Variants in CACNA1C observed in about 807,000 individuals in gnomAD.
CACNA1C encodes voltage-dependent L-type calcium channel subunit alpha-1C.
CACNA1C carries 30 observed loss-of-function variants against 229.0 expected under a neutral mutation model. The observed-to-expected ratio is 0.13, with a 90% CI of 0.10 to 0.18. The LOEUF is 0.18. CACNA1C is among the 10% of genes least tolerant of loss of function. The pLI, the probability that CACNA1C is intolerant of heterozygous loss-of-function variation, is 1.00. For missense variants in CACNA1C, 1,658 were observed against 2,845.0 expected (o/e 0.58, Z 9.49); for synonymous variants, 1,114 against 1,132.5 (o/e 0.98, Z 0.33).
intron 3 of CACNA1C, among the ~76,000 whole-genome samples, chr12:2,224,504 T>C (rs1041453664): frequency 3.5e-4 from 53 of 152,342 alleles, no homozygotes; most frequent in African/African-American, 4.3e-4. Context: ...GCCCCTGTTC[T>C]GCTCCACCCC....
intron 3 of CACNA1C, among the ~76,000 whole-genome samples, chr12:2,302,431 C>T (rs914513664): frequency 6.6e-6 from 1 of 151,984 alleles, no homozygotes; most frequent in Admixed American, 6.5e-5. Flanking sequence ...GCAGCCGTAG[C>T]GTCAGTCCCT....
intron 5 of CACNA1C, among the ~76,000 whole-genome samples, chr12:2,462,965 T>C (rs1421217697): frequency 7.0e-6 from 1 of 142,758 alleles, no homozygotes; most frequent in East Asian, 2.0e-4. Context: ...CAGGCTGGAG[T>C]GCAGTGGTGT....
intron 3 of CACNA1C, chr12:2,221,842 T>C (rs1198746542): frequency 6.6e-6 from 1 of 152,224 alleles, no homozygotes; most frequent in Non-Finnish European, 1.5e-5. Context: ...GTCCATATGA[T>C]GGAACACCAT....
chr12:2,416,247 G>A (rs531125912), intron 3 of CACNA1C, among the ~76,000 whole-genome samples: 23 of 152,132 alleles, frequency 1.5e-4, no homozygotes, highest in South Asian at 8.3e-4. Flanking sequence ...TTTATGGCTC[G>A]CTTTCTCTTT....
In CACNA1C at chr12:2,634,617, G is replaced by C. The variant is rs1045123679; in HGVS notation, c.3912+237G>C. Among the ~76,000 whole-genome samples the C allele has an allele frequency of 2.1e-5, 3 of 144,426 alleles. No homozygotes were observed. The Admixed American group carries it at 2.1e-4, about 10-fold the overall frequency. The allele number at this position is 144,426 out of a possible 152,430, so 94.7% of individuals were successfully genotyped here. A position where few individuals can be genotyped will look rare whatever the true frequency, so the allele number is the denominator to read the frequency against. On this transcript the variant is annotated intron_variant, in intron 30 of 46. Transcript: ENST00000399655. ...TCCCCTTTTCTGTTAAGTTCTGATTGCTGCATCTTTTCTCTCTCCCATACA... is the reference window on the plus strand; with the variant it reads ...TCCCCTTTTCTGTTAAGTTCTGATTCCTGCATCTTTTCTCTCTCCCATACA...
intron 3 of CACNA1C, among the ~76,000 whole-genome samples, chr12:2,412,356 C>T (rs2098817476): frequency 6.6e-6 from 1 of 152,228 alleles, no homozygotes; most frequent in Admixed American, 6.5e-5. Context: ...GCTTTGTACT[C>T]CATTAAGTGC....
chr12:2,607,153 C>T (rs2075731996), intron 26 of CACNA1C, 23 bp downstream of exon 26: 2 of 1,598,906 alleles, frequency 1.3e-6, no homozygotes, highest in Non-Finnish European at 1.7e-6. Flanking sequence ...AGCAAGGCCC[C>T]ACGAGCCCTG....
At chr12:2,234,472 C>T (rs2066540869) in intron 3 of CACNA1C, among the ~76,000 whole-genome samples, 2 of 152,266 alleles carry the variant, frequency 1.3e-5, no homozygotes, top group South Asian at 4.1e-4. Context: ...GGTCTAGGCA[C>T]CTGAGCATCT....
Position 2,291,064 on chromosome 12 carries a change from A to G in CACNA1C, c.478-157912A>G, listed in dbSNP as rs1328610270. 7.2e-5 allele frequency among the ~76,000 whole-genome samples: 11 copies of G among 152,330 alleles called. 1 individual carries two copies. Among genetic ancestry groups the G allele is most frequent in the South Asian group, 4.1e-4 (2 of 4,826 alleles). On this transcript the variant is annotated intron_variant, in intron 3 of 46. Coordinates refer to ENST00000399655, the MANE Select transcript of CACNA1C (RefSeq NM_000719.7). The stretch of plus-strand genomic sequence containing the variant: ...GTGTGCAGGGCACTAGAACTTGCTG[A>G]GTCCTAGCTCCTTTGTAATATGAGG...
intron 3 of CACNA1C, among the ~76,000 whole-genome samples, chr12:2,193,730 T>C (rs368355729): frequency 6.6e-6 from 1 of 152,262 alleles, no homozygotes; most frequent in African/African-American, 2.4e-5. Flanking sequence ...GTCTGGCCTC[T>C]GCCCTGACAC....
In CACNA1C at chr12:2,566,038, A is replaced by G. The variant is rs1435242019; in HGVS notation, c.1509-384A>G. On this transcript the variant is annotated intron_variant, in intron 11 of 46. Transcript: ENST00000399655. The surrounding 1 kb of genome is among the most constrained non-coding windows in gnomAD (Gnocchi z 4.0). ...TGATGTGGTACTGGGCCCCTCCTCCACTGTTACTAATAATGCTCTTATTGC... is the reference window on the plus strand; with the variant it reads ...TGATGTGGTACTGGGCCCCTCCTCCGCTGTTACTAATAATGCTCTTATTGC... 6.6e-6 allele frequency among the ~76,000 whole-genome samples: 1 copy of G among 152,200 alleles called. No homozygotes were observed. The highest frequency in any genetic ancestry group is 2.4e-5 in the African/African-American group (1 of 41,438).
intron 1 of CACNA1C, among the ~76,000 whole-genome samples, chr12:2,082,384 G>A (rs1452921586): frequency 3.3e-5 from 5 of 152,122 alleles, no homozygotes; most frequent in Admixed American, 6.5e-5. Flanking sequence ...ATGTCCTAGT[G>A]GTGTCTTTCC....
intron 3 of CACNA1C, among the ~76,000 whole-genome samples, chr12:2,182,942 G>A (rs1459168529): frequency 1.3e-5 from 2 of 152,174 alleles, no homozygotes; most frequent in African/African-American, 4.8e-5. Context: ...CGGATGCCAG[G>A]TAATCCTTAA....
intron 9 of CACNA1C, among the ~76,000 whole-genome samples, chr12:2,538,747 C>T (rs774893749): frequency 6.6e-5 from 10 of 152,228 alleles, no homozygotes; most frequent in African/African-American, 9.6e-5. Flanking sequence ...CTTGACAATA[C>T]ATATGGCCAC....
chr12:2,526,409 G>A (rs940712314), intron 9 of CACNA1C, among the ~76,000 whole-genome samples: 2 of 152,224 alleles, frequency 1.3e-5, no homozygotes, highest in African/African-American at 4.8e-5. Flanking sequence ...AGAGATATGA[G>A]CAGGTTTCAA....
intron 6 of CACNA1C, among the ~76,000 whole-genome samples, chr12:2,491,885 C>T (rs180817493): frequency 1.3e-5 from 2 of 151,832 alleles, no homozygotes; most frequent in Non-Finnish European, 2.9e-5. Flanking sequence ...ATCACACTTA[C>T]GATTGTTTTG....
At chr12:2,039,610 A>T (rs1013965015) in intron 1 of CACNA1C, among the ~76,000 whole-genome samples, 172 of 152,322 alleles carry the variant, frequency 1.1e-3, no homozygotes, top group African/African-American at 4.1e-3. Context: ...GGAGGTAAAC[A>T]AATAACTACA....
At chr12:2,494,565 A>T (rs1353401911) in intron 7 of CACNA1C, among the ~76,000 whole-genome samples, 3 of 152,216 alleles carry the variant, frequency 2.0e-5, no homozygotes, top group Middle Eastern at 3.2e-3. Context: ...CATGTCTACA[A>T]ACCAAAGCAG....
At chr12:2,619,084 A>G (rs1246378012) in intron 29 of CACNA1C, among the ~76,000 whole-genome samples, 1 of 152,172 alleles carries the variant, frequency 6.6e-6, no homozygotes, top group Non-Finnish European at 1.5e-5. Context: ...GATCCCACCC[A>G]GAGAGGAAAT....
Sources: allele counts gnomAD v4.1 joint callset (sites outside exome capture counted in the v4.1 genomes callset), GRCh38; gene constraint gnomAD v4.1.1; non-coding constraint Gnocchi (gnomAD v3.1); transcripts MANE v1.5; gene names NCBI Gene and HGNC (gene_info 2026-07-23, HGNC 2026-07-21).